The following CCDC110 variants were observed in gnomAD, a reference collection of about 807,000 sequenced individuals.
CCDC110 encodes coiled-coil domain containing 110, also known as coiled-coil domain-containing protein 110.
CCDC110 carries 70 observed loss-of-function variants against 77.1 expected under a neutral mutation model. The ratio of observed to expected loss-of-function variants is 0.91; its 90% confidence interval spans 0.75 to 1.11. The LOEUF (loss-of-function observed/expected upper bound fraction) is 1.11. Among genes scored for constraint, CCDC110 ranks in the 50% least tolerant of loss-of-function variants. The probability of loss-of-function intolerance (pLI) is 0.00; values close to 1 mark genes in which losing one functional copy is unlikely to be tolerated. For missense variants in CCDC110, 868 were observed against 942.9 expected (o/e 0.92, Z 1.04); for synonymous variants, 295 against 312.5 (o/e 0.94, Z 0.59).
At chr4:185,447,242 C>T (rs1162850872) in intron 6 of CCDC110, among the ~76,000 whole-genome samples, 2 of 151,240 alleles carry the variant, frequency 1.3e-5, no homozygotes, top group East Asian at 1.9e-4. Context: ...AATGCAGTGG[C>T]ACGATCTCGG....
intron 1 of CCDC110, 147 bp downstream of exon 1, chr4:185,471,502 GGGGCCGCAGCGGGTGCTCAGCCCTA>G: frequency 1.5e-6 from 1 of 647,364 alleles, no homozygotes; most frequent in South Asian, 2.4e-5. Flanking sequence ...GCGGACGCAG[GGGGCCGCAGCGGGTGCTCAGCCCTA>G]GGGCCGAGCG....
chr4:185,455,594 A>G (rs892597542), intron 6 of CCDC110, among the ~76,000 whole-genome samples: 1 of 152,152 alleles, frequency 6.6e-6, no homozygotes, highest in African/African-American at 2.4e-5. Flanking sequence ...CATACATAAA[A>G]GAGCTTTGGC....
At position 185,459,442 on chromosome 4, in the gene CCDC110, A is replaced by T; in HGVS notation, c.1145T>A (p.Leu382Gln). ...ATGTTTTGTTTGGTCGAGGAAGGACAGTGTGTATCTTGGAACTCTGGAATG... is the reference window on the plus strand; with the variant it reads ...ATGTTTTGTTTGGTCGAGGAAGGACTGTGTGTATCTTGGAACTCTGGAATG... ...KFHSRVPRYT[L>Q]SFLDQTKHEM... is the part of the protein sequence containing the mutation. Residue 382 changes from leucine (L) to glutamine (Q), a missense_variant, in exon 6 of 7, where the codon CTG (leucine) becomes CAG (glutamine). By Grantham distance (113) the Leu-to-Gln change is moderately radical (BLOSUM62 -2). Transcript: ENST00000307588. The T allele has an allele frequency of 6.2e-7, 1 of 1,613,352 alleles. No individual in the cohort carries two copies. The highest frequency in any genetic ancestry group is 2.2e-5 in the East Asian group (1 of 44,808).
At chr4:185,465,152 A>C (rs1012613109) in intron 2 of CCDC110, among the ~76,000 whole-genome samples, 5 of 152,256 alleles carry the variant, frequency 3.3e-5, no homozygotes, top group African/African-American at 1.2e-4. Context: ...ATAGGATATC[A>C]TTCTCATAAA....
chr4:185,450,855 G>A (rs1580168224), intron 6 of CCDC110, among the ~76,000 whole-genome samples: 2 of 152,094 alleles, frequency 1.3e-5, no homozygotes, highest in African/African-American at 4.8e-5. Flanking sequence ...GGTGGGGTTT[G>A]TATTTTAAAA....
In CCDC110 at chr4:185,470,739, G is replaced by C. The variant is rs751625174; in HGVS notation, c.115+206C>G. 5 of 649,830 alleles carry C rather than the reference G, an allele frequency of 7.7e-6. No individual in the cohort carries two copies. The East Asian group carries it at 1.5e-4, about 20-fold the overall frequency. 40.3% of individuals were successfully genotyped at this position (649,830 alleles called of 1,614,324 possible). A position where few individuals can be genotyped will look rare whatever the true frequency, so the allele number is the denominator to read the frequency against. On this transcript the variant is annotated intron_variant, in intron 2 of 6. Transcript: ENST00000307588. ...TATCTGCAAAATGGGGATCGTGGTA[G>C]CACCCACCTCGTAAAAGTGTTGTGA...
chr4:185,452,962 A>G (rs2095631281), intron 6 of CCDC110, among the ~76,000 whole-genome samples: 1 of 151,856 alleles, frequency 6.6e-6, no homozygotes, highest in African/African-American at 2.4e-5. Flanking sequence ...AGCAAAATTA[A>G]TTTCTTAAGA....
intron 2 of CCDC110, among the ~76,000 whole-genome samples, chr4:185,465,775 G>A (rs2095654504): frequency 1.3e-5 from 2 of 152,272 alleles, no homozygotes; most frequent in South Asian, 2.1e-4. Flanking sequence ...AATGGTGGTG[G>A]GGGAGGTGGG....
chr4:185,459,304 A>G lies in CCDC110; in HGVS notation c.1283T>C (p.Ile428Thr), dbSNP rs927937001. The change falls in exon 6 of 7, where the codon ATT (isoleucine) becomes ACT (threonine). Residue 428 changes from isoleucine to threonine, a missense_variant. Transcript: ENST00000307588. ...TTTTAGGTAATTCTGTAAGTACTGA[A>G]TTTTTGCAACACACTGCTCAGTAAC... ...NSVTEQCVAKIQYLQNYLKES... is the reference protein window; with the variant it reads ...NSVTEQCVAKTQYLQNYLKES... The G allele has an allele frequency of 6.2e-7, 1 of 1,612,942 alleles. No homozygotes were observed. Among genetic ancestry groups the G allele is most frequent in the African/African-American group, 1.3e-5 (1 of 74,870 alleles).
chr4:185,470,896 T>C, intron 2 of CCDC110, 49 bp downstream of exon 2: 1 of 1,352,316 alleles, frequency 7.4e-7, no homozygotes, highest in Middle Eastern at 1.8e-4. Context: ...GGCCAGATGC[T>C]GCCGCCTGTG....
At position 185,459,996 on chromosome 4, in the gene CCDC110, A is replaced by G. The variant is rs1308925773; in HGVS notation, c.591T>C (p.Tyr197=). 1 of 1,613,524 alleles carries G rather than the reference A, an allele frequency of 6.2e-7. No homozygotes were observed. The highest frequency in any genetic ancestry group is 8.5e-7 in the Non-Finnish European group (1 of 1,179,646). ...PSENSDILKN[Y]NNFYRFLPTA... is the part of the protein sequence containing the mutation. Reference sequence around the variant, plus strand: ...TAGGTAGAAAACGATAAAAGTTATTATAATTCTTCAAGATGTCAGAATTTT... The same window carrying G: ...TAGGTAGAAAACGATAAAAGTTATTGTAATTCTTCAAGATGTCAGAATTTT... The change falls in exon 6 of 7, where the codon TAT becomes TAC. Residue 197 remains tyrosine (Y), a synonymous_variant. Transcript: ENST00000307588.
intron 5 of CCDC110, 127 bp downstream of exon 5, chr4:185,460,922 T>C: frequency 1.6e-6 from 1 of 624,138 alleles, no homozygotes; most frequent in Non-Finnish European, 3.1e-6. Context: ...GACCGGAGTT[T>C]CCTTATTTTC....
chr4:185,469,216 C>A (rs1203040906), intron 2 of CCDC110, among the ~76,000 whole-genome samples: 1 of 152,158 alleles, frequency 6.6e-6, no homozygotes, highest in Non-Finnish European at 1.5e-5. Context: ...ATGAAAGCAT[C>A]AGTAGGAGAG....
chr4:185,467,461 T>G lies in CCDC110; in HGVS notation c.115+3484A>C, dbSNP rs1338491604. Among the ~76,000 whole-genome samples, 3 of 152,160 alleles carry G rather than the reference T, an allele frequency of 2.0e-5. No individual in the cohort carries two copies. In the East Asian group the frequency reaches 5.8e-4, roughly 29 times the overall value. On this transcript the variant is annotated intron_variant, in intron 2 of 6. Coordinates refer to ENST00000307588, the MANE Select transcript of CCDC110 (RefSeq NM_152775.4). Reference sequence around the variant, plus strand: ...CCAGGAGATAAAACACAATCACACTTCACCATTTACCAAGTCCCTGCTAAA... The same window carrying G: ...CCAGGAGATAAAACACAATCACACTGCACCATTTACCAAGTCCCTGCTAAA...
At chr4:185,449,352 C>T (rs1270476540) in intron 6 of CCDC110, among the ~76,000 whole-genome samples, 1 of 151,952 alleles carries the variant, frequency 6.6e-6, no homozygotes, top group Non-Finnish European at 1.5e-5. Context: ...AAAACTCTGT[C>T]TCTACAAAAA....
At position 185,458,922 on chromosome 4, in the gene CCDC110, A is replaced by G; in HGVS notation, c.1665T>C (p.Ser555=). 2 of 1,608,652 alleles carry G rather than the reference A, an allele frequency of 1.2e-6. No homozygotes were observed. Among genetic ancestry groups the G allele is most frequent in the Non-Finnish European group, 1.7e-6 (2 of 1,178,774 alleles). ...QLKSKEHKTQ[S]DMAIVNNENN... is the part of the protein sequence containing the mutation. ...TTTCATTATTTACAATGGCCATATC[A>G]CTTTGAGTTTTGTGTTCCTTACTTT... Residue 555 remains serine, a synonymous_variant, in exon 6 of 7, where the codon AGT becomes AGC. Transcript: ENST00000307588.
chr4:185,446,805 T>C (rs1197255631), intron 6 of CCDC110, among the ~76,000 whole-genome samples: 1 of 152,250 alleles, frequency 6.6e-6, no homozygotes, highest in Non-Finnish European at 1.5e-5. Context: ...TGAAGTTATC[T>C]TCTGGTTTCA....
chr4:185,445,795 A>C (rs1580145538), intron 6 of CCDC110, among the ~76,000 whole-genome samples: 1 of 152,186 alleles, frequency 6.6e-6, no homozygotes, highest in Admixed American at 6.5e-5. Flanking sequence ...TACTAACATT[A>C]GTATTATTTC....
intron 2 of CCDC110, among the ~76,000 whole-genome samples, chr4:185,467,113 A>G (rs2095657691): frequency 6.6e-6 from 1 of 152,152 alleles, no homozygotes; most frequent in Non-Finnish European, 1.5e-5. Context: ...GCTTTTTTGC[A>G]GAGGATTTGA....
Sources: gnomAD v4.1 joint callset for allele counts (sites outside exome capture counted in the v4.1 genomes callset) on GRCh38, gnomAD v4.1.1 for gene constraint, MANE v1.5 for transcripts, NCBI Gene and HGNC (gene_info 2026-07-23, HGNC 2026-07-21) for gene names.